The following STPG2 variants were observed in gnomAD, a reference collection of about 807,000 sequenced individuals.
STPG2 encodes the protein sperm tail PG-rich repeat containing 2.
In STPG2, 56 loss-of-function variants were observed where a neutral mutation model predicts 54.2. The ratio of observed to expected loss-of-function variants is 1.03; its 90% CI spans 0.83 to 1.29. The LOEUF is 1.29. Among genes scored for constraint, STPG2 ranks in the 50% most tolerant of loss-of-function variants. The probability of loss-of-function intolerance (pLI) is 0.00; values close to 1 mark genes in which losing one functional copy is unlikely to be tolerated. For synonymous variants in STPG2, 200 were observed against 181.8 expected, an observed-to-expected ratio of 1.10 and a Z score of -0.81; for missense variants, 596 against 544.9, an observed-to-expected ratio of 1.09 and a Z score of -0.93.
chr4:97,482,894 G>T (rs1281616947), intron 4 of STPG2, among the ~76,000 whole-genome samples: 1 of 151,626 alleles, frequency 6.6e-6, no homozygotes, highest in South Asian at 2.1e-4. Flanking sequence ...AGGGATTGGG[G>T]TCCTATCTTC....
At chr4:97,940,039 T>G (rs1181727010) in intron 8 of STPG2, among the ~76,000 whole-genome samples, 1 of 152,236 alleles carries the variant, frequency 6.6e-6, no homozygotes, top group Non-Finnish European at 1.5e-5. Context: ...GAAAAGGACC[T>G]TATTTCTCCT....
intron 9 of STPG2, among the ~76,000 whole-genome samples, chr4:97,803,080 T>C (rs188672906): frequency 2.6e-5 from 4 of 152,308 alleles, no homozygotes; most frequent in East Asian, 1.9e-4. Context: ...AAGACTATTA[T>C]TGGAAAATAT....
intron 7 of STPG2, among the ~76,000 whole-genome samples, chr4:97,955,031 A>G (rs968464051): frequency 4.0e-5 from 6 of 150,274 alleles, no homozygotes; most frequent in African/African-American, 1.5e-4. Flanking sequence ...GAAATGAATT[A>G]TTTAAGAAAG....
At chr4:97,713,263 T>C (rs774629182) in intron 9 of STPG2, among the ~76,000 whole-genome samples, 1 of 152,116 alleles carries the variant, frequency 6.6e-6, no homozygotes, top group Non-Finnish European at 1.5e-5. Flanking sequence ...GGAATGCACA[T>C]GGAGCAATCA....
intron 9 of STPG2, among the ~76,000 whole-genome samples, chr4:97,717,801 C>CT (rs1455762459): frequency 6.6e-6 from 1 of 152,088 alleles, no homozygotes; most frequent in African/African-American, 2.4e-5. Context: ...CCTAAAACCA[C>CT]TTTGAGTAGG....
intron 9 of STPG2, among the ~76,000 whole-genome samples, chr4:97,719,521 T>G (rs1724384981): frequency 6.6e-6 from 1 of 151,958 alleles, no homozygotes; most frequent in African/African-American, 2.4e-5. Flanking sequence ...AAACTACAAT[T>G]TAGTGTGTTG....
intron 7 of STPG2, among the ~76,000 whole-genome samples, chr4:97,964,893 C>T (rs977202583): frequency 6.6e-6 from 1 of 152,162 alleles, no homozygotes; most frequent in Non-Finnish European, 1.5e-5. Context: ...CGAATAGGAA[C>T]AGCTCTGGTC....
chr4:97,480,563 G>C (rs1370512053), intron 4 of STPG2, among the ~76,000 whole-genome samples: 1 of 151,548 alleles, frequency 6.6e-6, no homozygotes, highest in Non-Finnish European at 1.5e-5. Context: ...ATTCCCACTA[G>C]AAATGTATGA....
chr4:97,562,015 T>C (rs2148875117), intron 10 of STPG2, among the ~76,000 whole-genome samples: 1 of 152,334 alleles, frequency 6.6e-6, no homozygotes, highest in South Asian at 2.1e-4. Flanking sequence ...GCATTAAATC[T>C]ATAAATTACA....
intron 9 of STPG2, among the ~76,000 whole-genome samples, chr4:97,807,637 T>C (rs575516702): frequency 6.6e-6 from 1 of 151,484 alleles, no homozygotes; most frequent in Non-Finnish European, 1.5e-5. Context: ...AACAAAAGGA[T>C]AGAAAATGAA....
At chr4:97,944,029 A>G (rs753158689) in intron 7 of STPG2, 22 bp from the exon 8 acceptor site, 6 of 1,480,748 alleles carry the variant, frequency 4.1e-6, no homozygotes, top group Non-Finnish European at 5.6e-6. Flanking sequence ...AGGGGTTAAA[A>G]AGAGTACATC....
intron 6 of STPG2, among the ~76,000 whole-genome samples, chr4:97,980,585 C>A (rs1407648192): frequency 6.6e-5 from 10 of 152,156 alleles, no homozygotes; most frequent in Non-Finnish European, 4.4e-5. Context: ...CTTTGAATAA[C>A]AGACCCATCT....
intron 5 of STPG2, among the ~76,000 whole-genome samples, chr4:98,000,381 T>G (rs1479622117): frequency 6.6e-6 from 1 of 152,158 alleles, no homozygotes; most frequent in Non-Finnish European, 1.5e-5. Context: ...TGACACTATC[T>G]TCTTAACAAA....
chr4:98,126,711 T>C (rs1344737239), intron 3 of STPG2, among the ~76,000 whole-genome samples: 3 of 152,330 alleles, frequency 2.0e-5, no homozygotes, highest in African/African-American at 7.2e-5. Flanking sequence ...TAGTGTTTAA[T>C]GTCTTGTTAT....
At chr4:97,556,101 T>C (rs1578384803), downstream of STPG2, among the ~76,000 whole-genome samples, 1 of 152,108 alleles carries the variant, frequency 6.6e-6, no homozygotes, top group African/African-American at 2.4e-5. Context: ...TCTCTGAAAA[T>C]AGCTACTTTG....
chr4:97,703,096 A>C (rs1362366747), intron 10 of STPG2, among the ~76,000 whole-genome samples: 3 of 152,032 alleles, frequency 2.0e-5, no homozygotes, highest in Admixed American at 2.0e-4. Flanking sequence ...TATGGTCAAA[A>C]GTATTAGGTA....
intron 5 of STPG2, among the ~76,000 whole-genome samples, chr4:97,982,308 C>CT (rs1734707696): frequency 6.6e-6 from 1 of 151,532 alleles, no homozygotes; most frequent in African/African-American, 2.4e-5. Flanking sequence ...CCTCATTTGC[C>CT]TTTTTTTCTT....
In STPG2 at chr4:97,670,084, C is replaced by T. The variant is rs111370661; in HGVS notation, c.1320+42615G>A. Among the ~76,000 whole-genome samples, 749 of 151,940 alleles carry T rather than the reference C, an allele frequency of 4.9e-3. 3 individuals carry two copies. The highest frequency in any genetic ancestry group is 0.021 in the Middle Eastern group (6 of 292). Reference sequence around the variant, plus strand: ...TTGTAAGTATAATTTAAAAAAAACCCTATCCAAGAAAAATAAACTTCATTA... The same window carrying T: ...TTGTAAGTATAATTTAAAAAAAACCTTATCCAAGAAAAATAAACTTCATTA... On this transcript the variant is annotated intron_variant, in intron 10 of 10. Transcript: ENST00000295268.
intron 8 of STPG2, among the ~76,000 whole-genome samples, chr4:97,912,164 A>T (rs1467882988): frequency 6.6e-6 from 1 of 152,176 alleles, no homozygotes. Context: ...ACATTCAAAG[A>T]TCAGCAACCT....
Sources: allele counts gnomAD v4.1 joint callset (sites outside exome capture counted in the v4.1 genomes callset), GRCh38; gene constraint gnomAD v4.1.1; transcripts MANE v1.5; gene names NCBI Gene and HGNC (gene_info 2026-07-23, HGNC 2026-07-21).